BGN: variants seen among roughly 807,000 people sequenced by gnomAD.
BGN encodes the protein bone/cartilage proteoglycan-I.
BGN carries 6 observed loss-of-function variants against 20.0 expected under a neutral mutation model. That is an observed-to-expected ratio of 0.30 (90% CI 0.16 to 0.59). BGN has a LOEUF of 0.59. Among genes scored for constraint, BGN ranks in the 20% least tolerant of loss-of-function variants. The pLI is 0.88. For missense variants in BGN, 292 were observed against 312.1 expected, an observed-to-expected ratio of 0.94 and a Z score of 0.49; for synonymous variants, 146 against 134.6, an observed-to-expected ratio of 1.08 and a Z score of -0.59.
chrX:153,505,396 G>A, intron 3 of BGN, 46 bp downstream of exon 3: 1 of 1,076,598 alleles, frequency 9.3e-7, no homozygotes, highest in Non-Finnish European at 1.3e-6. Context: ...GAGGGCAGGG[G>A]TCCGGGTGGG....
chrX:153,505,183 G>A, intron 2 of BGN, 55 bp from the exon 3 acceptor site: 2 of 1,012,051 alleles, frequency 2.0e-6, no homozygotes, highest in Non-Finnish European at 1.4e-6. Flanking sequence ...GCTGGTGGTG[G>A]GGGTGGGGCC....
chrX:153,495,987 G>A (rs1312251880), intron 1 of BGN, among the ~76,000 whole-genome samples: 1 of 112,785 alleles, frequency 8.9e-6, no homozygotes, highest in African/African-American at 3.2e-5. Context: ...CCCAGGAGAG[G>A]GAGCGAGAGA....
At chrX:153,503,477 T>C (rs911590889) in intron 1 of BGN, among the ~76,000 whole-genome samples, 1 of 112,142 alleles carries the variant, frequency 8.9e-6, no homozygotes, top group Non-Finnish European at 1.9e-5. Context: ...CAGGCATGTT[T>C]ATTCCCACTT....
At position 153,506,513 on chromosome X, in the gene BGN, G is replaced by A. The variant is rs375019160; in HGVS notation, c.566-16G>A. 7.5e-6 allele frequency: 9 copies of A among 1,199,623 alleles called. No individual in the cohort carries two copies. The African/African-American group carries it at 1.4e-4, about 19-fold the overall frequency. On this transcript the variant is annotated splice_polypyrimidine_tract_variant and intron_variant, in intron 4 of 7. Coordinates refer to ENST00000331595, the MANE Select transcript of BGN (RefSeq NM_001711.6). Reference sequence around the variant, plus strand: ...GGGACCACCAGGCTCCCGGGCTAATGAGGTCTCTCCCCTAGAGATGGGCGG... The same window carrying A: ...GGGACCACCAGGCTCCCGGGCTAATAAGGTCTCTCCCCTAGAGATGGGCGG...
intron 7 of BGN, 76 bp from the exon 8 acceptor site, chrX:153,508,172 C>T: frequency 9.0e-7 from 1 of 1,108,409 alleles, no homozygotes; most frequent in Non-Finnish European, 1.2e-6. Flanking sequence ...GAGGCAACAG[C>T]AAAATGCCTC....
chrX:153,505,596 C>T (rs781976277), intron 3 of BGN, among the ~76,000 whole-genome samples: 1 of 111,997 alleles, frequency 8.9e-6, no homozygotes, highest in Admixed American at 9.4e-5. Flanking sequence ...TTCATCACGT[C>T]CACTCCTCCC....
intron 1 of BGN, among the ~76,000 whole-genome samples, chrX:153,503,144 G>T (rs1241466795): frequency 8.9e-6 from 1 of 112,760 alleles, no homozygotes; most frequent in Admixed American, 9.2e-5. Context: ...ACTCCAAAGC[G>T]GCAGCCCCGG....
intron 4 of BGN, 46 bp downstream of exon 4, chrX:153,506,122 C>G (rs1556993093): frequency 1.7e-6 from 2 of 1,143,433 alleles, no homozygotes; most frequent in South Asian, 3.6e-5. Context: ...TGTCTCGAGG[C>G]ATGGGGAAGG....
chrX:153,502,077 C>G (rs2089764566), intron 1 of BGN, among the ~76,000 whole-genome samples: 1 of 112,734 alleles, frequency 8.9e-6, no homozygotes, highest in Non-Finnish European at 1.9e-5. Context: ...AGGGAAGTCC[C>G]AGCTCCTGGG....
At position 153,507,039 on chromosome X, in the gene BGN, G is replaced by A. The variant is rs782791955; in HGVS notation, c.771-8G>A. 36 of 1,208,295 alleles carry A rather than the reference G, an allele frequency of 3.0e-5. No individual in the cohort carries two copies. Among genetic ancestry groups the A allele is most frequent in the East Asian group, 1.5e-4 (5 of 33,679 alleles). On this transcript the variant is annotated splice_polypyrimidine_tract_variant and splice_region_variant and intron_variant, in intron 6 of 7. Coordinates refer to ENST00000331595, the MANE Select transcript of BGN (RefSeq NM_001711.6). ...GCCTTTGAGTCCGTGTCATTCTCCC[G>A]CTCACAGGCTGGGCCTAGGCCACAA...
intron 5 of BGN, 40 bp from the exon 6 acceptor site, chrX:153,506,790 C>A (rs1463477263): frequency 8.4e-7 from 1 of 1,187,902 alleles, no homozygotes; most frequent in Non-Finnish European, 1.1e-6. Flanking sequence ...CCCCTGCCCT[C>A]AGCACCTGCA....
At chrX:153,501,504 C>T (rs1418843769) in intron 1 of BGN, among the ~76,000 whole-genome samples, 1 of 112,662 alleles carries the variant, frequency 8.9e-6, no homozygotes, top group Admixed American at 9.3e-5. Context: ...TCGGCCTTAG[C>T]TTTTGTGTCC....
rs1158522247 is a variant in BGN at position 153,505,299 on chromosome X, C to T, written c.300C>T (p.Asn100=). Residue 100 remains asparagine, a synonymous_variant, in exon 3 of 8, where the codon AAC becomes AAT. Transcript: ENST00000331595. ...CCACGCTGCTGGACCTGCAGAACAA[C>T]GACATCTCCGAGCTCCGCAAGGATG... ...PDTTLLDLQN[N]DISELRKDDF... 2.2e-5 allele frequency: 27 copies of T among 1,209,110 alleles called. No individual in the cohort carries two copies. The highest frequency in any genetic ancestry group is 5.3e-5 in the African/African-American group (3 of 57,104).
rs1488882700 is a variant in BGN at position 153,509,099 on chromosome X, G to A, written c.*654G>A. On this transcript the variant is annotated 3_prime_UTR_variant, in exon 8 of 8. Transcript: ENST00000331595. ...TGTGTGTGTGTGTGTGTGTGTGTGTGTGTGTGTCTTGTGCTTCCTCAGACC... is the reference window on the plus strand; with the variant it reads ...TGTGTGTGTGTGTGTGTGTGTGTGTATGTGTGTCTTGTGCTTCCTCAGACC... 9.5e-6 allele frequency: 1 copy of A among 105,749 alleles called. No homozygotes were observed. Among genetic ancestry groups the A allele is most frequent in the African/African-American group, 3.7e-5 (1 of 27,260 alleles). The allele number at this position is 105,749 out of a possible 1,213,427, so 8.7% of individuals were successfully genotyped here.
rs1047392637 is a variant in BGN, at chrX:153,508,942, G to A, written c.*497G>A. 13 of 134,909 alleles carry A rather than the reference G, an allele frequency of 9.6e-5. No individual in the cohort carries two copies. The Admixed American group carries it at 1.1e-3, about 11-fold the overall frequency. 11.1% of individuals were successfully genotyped at this position (134,909 alleles called of 1,213,427 possible). A position where few individuals can be genotyped will look rare whatever the true frequency, so the allele number is the denominator to read the frequency against. ...CTCTGCGGCTCCCCTCAGCCCCCTTGCAAGTTCATGGCCTGTCCCTCCCAG... is the reference window on the plus strand; with the variant it reads ...CTCTGCGGCTCCCCTCAGCCCCCTTACAAGTTCATGGCCTGTCCCTCCCAG... On this transcript the variant is annotated 3_prime_UTR_variant, in exon 8 of 8. Transcript: ENST00000331595.
chrX:153,496,757 CAG>C (rs2089717814), intron 1 of BGN, among the ~76,000 whole-genome samples: 1 of 112,130 alleles, frequency 8.9e-6, no homozygotes, highest in Non-Finnish European at 1.9e-5. Context: ...AGCAACATTC[CAG>C]AGTCACTCAA....
At chrX:153,503,614 C>A (rs1205300624) in intron 1 of BGN, among the ~76,000 whole-genome samples, 1 of 111,986 alleles carries the variant, frequency 8.9e-6, no homozygotes, top group Non-Finnish European at 1.9e-5. Flanking sequence ...TGCCTCTGGA[C>A]GGGAGACCGT....
At chrX:153,501,423 C>T (rs1039027884) in intron 1 of BGN, among the ~76,000 whole-genome samples, 9 of 112,885 alleles carry the variant, frequency 8.0e-5, no homozygotes, top group Non-Finnish European at 1.1e-4. Context: ...AGAGCTCAGG[C>T]GGGGCCTGGA....
At chrX:153,500,823 A>T (rs2089753350) in intron 1 of BGN, among the ~76,000 whole-genome samples, 1 of 106,062 alleles carries the variant, frequency 9.4e-6, no homozygotes, top group African/African-American at 3.5e-5. Flanking sequence ...GCATGTGTGT[A>T]TACATGCATG....
Sources: gnomAD v4.1 joint callset for allele counts (sites outside exome capture counted in the v4.1 genomes callset) on GRCh38, gnomAD v4.1.1 for gene constraint, MANE v1.5 for transcripts, NCBI Gene and HGNC (gene_info 2026-07-23, HGNC 2026-07-21) for gene names.